ROBO2: variants seen among roughly 807,000 people sequenced by gnomAD.
ROBO2 encodes roundabout guidance receptor 2.
A neutral mutation model predicts 160.8 loss-of-function variants in ROBO2; 53 were observed. The ratio of observed to expected loss-of-function variants is 0.33; its 90% CI spans 0.26 to 0.41. The LOEUF is 0.41. Ranked by LOEUF, ROBO2 falls within the 10% of genes least tolerant of loss-of-function variation. The pLI is 1.00. For synonymous variants in ROBO2, 664 were observed against 611.7 expected (o/e 1.09, Z -1.26); for missense variants, 1,577 against 1,722.4 (o/e 0.92, Z 1.49).
chr3:76,996,625 A>T (rs1328862941), intron 2 of ROBO2, among the ~76,000 whole-genome samples: 1 of 151,594 alleles, frequency 6.6e-6, no homozygotes, highest in African/African-American at 2.4e-5. Context: ...TCTTTTTTTC[A>T]TTGAGCAGTG....
intron 2 of ROBO2, among the ~76,000 whole-genome samples, chr3:76,706,552 T>G (rs2107536154): frequency 6.6e-6 from 1 of 152,262 alleles, no homozygotes; most frequent in Admixed American, 6.5e-5. Flanking sequence ...TCCTGTTTTC[T>G]GAGTCTTCTA....
intron 2 of ROBO2, among the ~76,000 whole-genome samples, chr3:76,892,227 C>G (rs2074402900): frequency 6.6e-6 from 1 of 152,104 alleles, no homozygotes; most frequent in Non-Finnish European, 1.5e-5. Context: ...GGAGGTCACA[C>G]GAGGGAGATG....
chr3:77,475,975 A>G (rs553668650), intron 2 of ROBO2, among the ~76,000 whole-genome samples: 28 of 152,360 alleles, frequency 1.8e-4, no homozygotes, highest in Middle Eastern at 6.8e-3. Context: ...TTATAAACTG[A>G]GAGTGAGCAA....
intron 2 of ROBO2, among the ~76,000 whole-genome samples, chr3:77,333,151 A>G (rs1185802177): frequency 1.3e-5 from 2 of 152,190 alleles, no homozygotes; most frequent in Non-Finnish European, 2.9e-5. Flanking sequence ...AAGCCAGTTT[A>G]TTATAATAGA....
At chr3:77,636,295 A>C (rs1176943381) in intron 24 of ROBO2, among the ~76,000 whole-genome samples, 4 of 152,106 alleles carry the variant, frequency 2.6e-5, no homozygotes, top group Admixed American at 2.6e-4. Context: ...GACTGCAGCT[A>C]TAAGAAAAGT....
intron 2 of ROBO2, among the ~76,000 whole-genome samples, chr3:77,140,233 G>A (rs953636759): frequency 1.3e-5 from 2 of 152,116 alleles, no homozygotes; most frequent in Non-Finnish European, 1.5e-5. Context: ...AAACCTAGCT[G>A]AGTTTTTTAG....
chr3:76,890,286 A>T (rs1316443033), intron 2 of ROBO2, among the ~76,000 whole-genome samples: 2 of 152,178 alleles, frequency 1.3e-5, no homozygotes, highest in Admixed American at 6.5e-5. Flanking sequence ...TGAGAATAGG[A>T]AATTGAGGCT....
intron 2 of ROBO2, among the ~76,000 whole-genome samples, chr3:77,372,689 C>T (rs774757428): frequency 7.0e-4 from 106 of 152,132 alleles, no homozygotes; most frequent in Non-Finnish European, 1.3e-3. Context: ...AATTCTTTCT[C>T]GGTACAGGGA....
intron 2 of ROBO2, among the ~76,000 whole-genome samples, chr3:76,307,978 A>G (rs1051676335): frequency 6.6e-6 from 1 of 152,186 alleles, no homozygotes; most frequent in Admixed American, 6.5e-5. Context: ...GGGATGAGCA[A>G]AGGCTTGGAA....
chr3:76,559,773 C>T lies in ROBO2; in HGVS notation c.110-538241C>T, dbSNP rs77016843. On this transcript the variant is annotated intron_variant, in intron 2 of 26. Transcript: ENST00000487694. ...GTGATGTCATATGGATAAGCAACTA[C>T]GGCTTTATTACCTGCACTGACCTGA... Among the ~76,000 whole-genome samples, 1,075 of 152,236 alleles carry T rather than the reference C, an allele frequency of 7.1e-3. 16 individuals are homozygous for T. The highest frequency in any genetic ancestry group is 0.025 in the African/African-American group (1,040 of 41,558).
At chr3:76,305,620 G>C (rs913590141) in intron 2 of ROBO2, among the ~76,000 whole-genome samples, 3 of 151,532 alleles carry the variant, frequency 2.0e-5, no homozygotes, top group Admixed American at 2.0e-4. Flanking sequence ...TTAGCTGGGT[G>C]TGGTGGTGGG....
intron 2 of ROBO2, among the ~76,000 whole-genome samples, chr3:77,018,816 A>G (rs527916627): frequency 1.3e-5 from 2 of 152,330 alleles, no homozygotes; most frequent in South Asian, 2.1e-4. Context: ...AGTAAAATTT[A>G]TAGAGACCGA....
At chr3:77,647,020 T>C (rs2095417062) in exon 26 of ROBO2, 1 of 152,530 alleles carries the variant, frequency 6.6e-6, no homozygotes, top group South Asian at 2.1e-4. Context: ...CAGAATATAA[T>C]ATGAAGTTCC....
intron 2 of ROBO2, among the ~76,000 whole-genome samples, chr3:77,392,539 T>A (rs1254554338): frequency 6.6e-6 from 1 of 152,234 alleles, no homozygotes; most frequent in Non-Finnish European, 1.5e-5. Context: ...GTGGCCCAAT[T>A]TAAAATTATA....
At chr3:76,038,386 T>C (rs1576590328) in intron 2 of ROBO2, among the ~76,000 whole-genome samples, 1 of 151,892 alleles carries the variant, frequency 6.6e-6, no homozygotes, top group East Asian at 1.9e-4. Flanking sequence ...TAATGAACAA[T>C]CTAGAAGCAA....
intron 2 of ROBO2, among the ~76,000 whole-genome samples, chr3:76,320,768 A>G (rs770069316): frequency 1.3e-5 from 2 of 152,182 alleles, no homozygotes; most frequent in Non-Finnish European, 2.9e-5. Flanking sequence ...AGAAACATAC[A>G]GGGATTTAGG....
intron 2 of ROBO2, among the ~76,000 whole-genome samples, chr3:76,319,791 A>T (rs942328156): frequency 7.3e-5 from 11 of 151,182 alleles, no homozygotes; most frequent in African/African-American, 2.7e-4. Flanking sequence ...ATACAAAGTT[A>T]TTCCTGTTCT....
Position 76,719,632 on chromosome 3 carries a change from C to T in ROBO2, c.110-378382C>T, listed in dbSNP as rs1017319641. ...GGTGTGGTGGCTCACGCCTGTATTC[C>T]CAGCACTTTGGGAGGCCGAGGCGGG... On this transcript the variant is annotated intron_variant, in intron 2 of 26. Coordinates refer to the ROBO2 transcript ENST00000487694. 2.6e-5 allele frequency among the ~76,000 whole-genome samples: 4 copies of T among 152,234 alleles called. No individual in the cohort carries two copies. In the South Asian group the frequency reaches 8.3e-4, roughly 32 times the overall value.
intron 12 of ROBO2, among the ~76,000 whole-genome samples, chr3:77,567,935 A>T (rs531992873): frequency 6.6e-6 from 1 of 152,016 alleles, no homozygotes. Context: ...ATCATTCAAT[A>T]CACCAACATC....
Sources: allele counts gnomAD v4.1 joint callset (sites outside exome capture counted in the v4.1 genomes callset), GRCh38; gene constraint gnomAD v4.1.1; transcripts MANE v1.5; gene names NCBI Gene and HGNC (gene_info 2026-07-23, HGNC 2026-07-21).